PTCRA: variants seen among roughly 807,000 people sequenced by gnomAD.
PTCRA encodes the protein pre T cell antigen receptor alpha.
PTCRA carries 9 observed loss-of-function variants against 13.4 expected under a neutral mutation model. The ratio of observed to expected loss-of-function variants is 0.67; its 90% CI spans 0.41 to 1.18. PTCRA has a LOEUF of 1.18. PTCRA is among the 50% of genes most tolerant of loss of function. The pLI is 0.01. For synonymous variants in PTCRA, 153 were observed against 161.9 expected (o/e 0.94, Z 0.42); for missense variants, 353 against 359.8 (o/e 0.98, Z 0.15).
chr6:42,924,347 A>C (rs1581688268), intron 3 of PTCRA, 74 bp downstream of exon 3: 1 of 1,299,062 alleles, frequency 7.7e-7, no homozygotes, highest in Non-Finnish European at 1.1e-6. Context: ...TGGGGCCTTC[A>C]GCTCTGGCCT....
At chr6:42,920,214 T>G (rs111271512) in intron 1 of PTCRA, among the ~76,000 whole-genome samples, 50,268 of 150,248 alleles carry the variant, frequency 0.33, 8,808 homozygotes, top group African/African-American at 0.45. Flanking sequence ...CAGCTACTCG[T>G]GAGGCTGAGG....
chr6:42,924,009 C>T lies in PTCRA; in HGVS notation c.380-220C>T, dbSNP rs114555561. On this transcript the variant is annotated intron_variant, in intron 2 of 3. Coordinates refer to ENST00000304672, the MANE Select transcript of PTCRA (RefSeq NM_138296.3). ...GAGAGTTCCGGGCTCCCCAGCCTCC[C>T]CAGGGCACAGAACAGGGGACACTGC... Among the ~76,000 whole-genome samples the T allele has an allele frequency of 1.3e-3, 201 of 152,304 alleles. 1 individual carries two copies. Among genetic ancestry groups the T allele is most frequent in the Non-Finnish European group, 2.4e-3 (166 of 68,032 alleles).
At chr6:42,916,196 C>A in intron 1 of PTCRA, 69 bp downstream of exon 1, 1 of 1,441,330 alleles carries the variant, frequency 6.9e-7, no homozygotes. Context: ...TCACTCTGGA[C>A]CTCCCTGGGT....
intron 1 of PTCRA, chr6:42,922,315 C>G (rs1767212039): frequency 1.4e-6 from 1 of 696,102 alleles, no homozygotes; most frequent in South Asian, 1.5e-5. Flanking sequence ...AACTGAGTTC[C>G]TTGAGAGCAG....
chr6:42,922,964 CA>C, intron 1 of PTCRA, 62 bp from the exon 2 acceptor site: 1 of 1,495,044 alleles, frequency 6.7e-7, no homozygotes, highest in East Asian at 2.3e-5. Context: ...TAGCCTACAA[CA>C]CAATGCTGGC....
In PTCRA at chr6:42,925,625, T is replaced by A. The variant is rs1767402909; in HGVS notation, c.789T>A (p.Ser263Arg). 4.5e-6 allele frequency: 7 copies of A among 1,566,606 alleles called. No individual in the cohort carries two copies. The highest frequency in any genetic ancestry group is 6.0e-6 in the Non-Finnish European group (7 of 1,158,902). Residue 263 changes from serine to arginine, a missense_variant, in exon 4 of 4, where the codon AGT (serine) becomes AGA (arginine). Physicochemically the swap from Ser to Arg is moderately radical, Grantham distance 110. Coordinates refer to ENST00000304672, the MANE Select transcript of PTCRA (RefSeq NM_138296.3). This position sits in a 1 kb window ranked among gnomAD's most constrained non-coding sequence, Gnocchi z 4.4. ...CTGCCCTCAGGGCTCCTTCCTCCAG[T>A]CTTGGAGCATTTTTTGCAGGTGACC... ...SRSALRAPSS[S>R]LGAFFAGDLP... is the part of the protein sequence containing the mutation.
In PTCRA at chr6:42,917,190, A is replaced by AT. The variant is rs1766909415; in HGVS notation, c.58+1064dup. Reference sequence around the variant, plus strand: ...CTGGGCTGGTATTATTAACAGCATTATATTATTATTATTATTATTATTATT... The same window carrying AT: ...CTGGGCTGGTATTATTAACAGCATTATTATTATTATTATTATTATTATTATT... On this transcript the variant is annotated intron_variant, in intron 1 of 3. Coordinates refer to ENST00000304672, the MANE Select transcript of PTCRA (RefSeq NM_138296.3). Among the ~76,000 whole-genome samples, 6 of 141,090 alleles carry AT rather than the reference A, an allele frequency of 4.3e-5. No homozygotes were observed. The East Asian group carries it at 1.2e-3, about 29-fold the overall frequency. 92.6% of individuals were successfully genotyped at this position (141,090 alleles called of 152,430 possible).
At chr6:42,917,888 A>T (rs926660329) in intron 1 of PTCRA, among the ~76,000 whole-genome samples, 2 of 152,112 alleles carry the variant, frequency 1.3e-5, no homozygotes, top group African/African-American at 2.4e-5. Context: ...GGACTCACAA[A>T]AAATATTGTT....
In PTCRA at chr6:42,925,310, CAAGCTGCTGCTGTTT is replaced by C; in HGVS notation, c.475_489del (p.Lys159_Phe163del). 1 of 1,587,262 alleles carries C rather than the reference CAAGCTGCTGCTGTTT, an allele frequency of 6.3e-7. No homozygotes were observed. The highest frequency in any genetic ancestry group is 8.5e-7 in the Non-Finnish European group (1 of 1,173,010). ...TGGGGGTCCTGCGGCTGCTGCTCTT[CAAGCTGCTGCTGTTT>C]GACCTGCTCCTGACCTGCAGCTGCC... On this transcript the variant is annotated inframe_deletion, in exon 4 of 4. Transcript: ENST00000304672. This position sits in a 1 kb window ranked among gnomAD's most constrained non-coding sequence, Gnocchi z 4.4.
At position 42,923,265 on chromosome 6, in the gene PTCRA, G is replaced by A; in HGVS notation, c.297G>A (p.Leu99=). The change falls in exon 2 of 4, where the codon CTG becomes CTA. Residue 99 remains leucine (L), a synonymous_variant. Transcript: ENST00000304672. ...ATCTCTCCCTGCCTTCTGAGGAGCT[G>A]GCATCCTGGGAGCCTTTGGTCTGCC... ...LAHLSLPSEE[L]ASWEPLVCHT... 6.2e-7 allele frequency: 1 copy of A among 1,614,204 alleles called. No individual in the cohort carries two copies.
Position 42,923,195 on chromosome 6 carries a change from A to G in PTCRA, c.227A>G (p.Tyr76Cys), listed in dbSNP as rs141630791. 307 of 1,614,222 alleles carry G rather than the reference A, an allele frequency of 1.9e-4. 1 individual carries two copies. In the African/African-American group the frequency reaches 3.5e-3, roughly 18 times the overall value. The change falls in exon 2 of 4, where the codon TAT becomes TGT. Residue 76 changes from tyrosine (Y) to cysteine (C), a missense_variant. Physicochemically the swap from Tyr to Cys is radical, Grantham distance 194. Coordinates refer to ENST00000304672, the MANE Select transcript of PTCRA (RefSeq NM_138296.3). ...GGCAGTGCACTGGATGCCTTCACCT[A>G]TGGCCCTTCCCCAGCAACGGATGGC... The part of the protein sequence containing the change: ...GNGSALDAFT[Y>C]GPSPATDGTW...
chr6:42,925,310 C>T lies in PTCRA; in HGVS notation c.474C>T (p.Phe158=). 1 of 1,587,262 alleles carries T rather than the reference C, an allele frequency of 6.3e-7. No homozygotes were observed. The highest frequency in any genetic ancestry group is 2.3e-5 in the East Asian group (1 of 44,132). The change falls in exon 4 of 4, where the codon TTC becomes TTT. Residue 158 remains phenylalanine (F), a synonymous_variant. Transcript: ENST00000304672. The surrounding 1 kb of genome is among the most constrained non-coding windows in gnomAD (Gnocchi z 4.4). ...LWLGVLRLLL[F]KLLLFDLLLT... ...TGGGGGTCCTGCGGCTGCTGCTCTT[C>T]AAGCTGCTGCTGTTTGACCTGCTCC...
chr6:42,917,569 TAGAC>T (rs1766939068), intron 1 of PTCRA, among the ~76,000 whole-genome samples: 1 of 145,052 alleles, frequency 6.9e-6, no homozygotes, highest in East Asian at 2.0e-4. Context: ...TTATTATTAT[TAGAC>T]AGAGTTTGCT....
At position 42,925,142 on chromosome 6, in the gene PTCRA, C is replaced by A; in HGVS notation, c.425-119C>A. 7.4e-7 allele frequency: 1 copy of A among 1,351,100 alleles called. No individual in the cohort carries two copies. Among genetic ancestry groups the A allele is most frequent in the Non-Finnish European group, 9.9e-7 (1 of 1,012,956 alleles). 83.7% of individuals were successfully genotyped at this position (1,351,100 alleles called of 1,614,324 possible). ...GAGGCTAGACACCGGGAAGGACTTT[C>A]CCTGGAGGAGGGGGTGAAGGGGACG... On this transcript the variant is annotated intron_variant, in intron 3 of 3. Transcript: ENST00000304672. The surrounding 1 kb of genome is among the most constrained non-coding windows in gnomAD (Gnocchi z 4.4).
In PTCRA at chr6:42,925,611, G is replaced by T; in HGVS notation, c.775G>T (p.Ala259Ser). ...QAWCSRSALR[A>S]PSSSLGAFFA... ...CTGGTGCTCAAGATCTGCCCTCAGG[G>T]CTCCTTCCTCCAGTCTTGGAGCATT... Residue 259 changes from alanine to serine, a missense_variant, in exon 4 of 4, where the codon GCT becomes TCT. Physicochemically the swap from Ala to Ser is moderately conservative, Grantham distance 99. Coordinates refer to ENST00000304672, the MANE Select transcript of PTCRA (RefSeq NM_138296.3). The surrounding 1 kb of genome is among the most constrained non-coding windows in gnomAD (Gnocchi z 4.4). 1 of 1,587,896 alleles carries T rather than the reference G, an allele frequency of 6.3e-7. No homozygotes were observed. The highest frequency in any genetic ancestry group is 8.6e-7 in the Non-Finnish European group (1 of 1,167,346).
rs187988655 is a variant in PTCRA, at chr6:42,925,395, C to T, written c.559C>T (p.Arg187Cys). The T allele has an allele frequency of 5.6e-4, 873 of 1,554,040 alleles. 1 individual carries two copies. Among genetic ancestry groups the T allele is most frequent in the Non-Finnish European group, 7.2e-4 (829 of 1,148,576 alleles). Residue 187 changes from arginine (R) to cysteine (C), a missense_variant, in exon 4 of 4, where the codon CGC (arginine) becomes TGC (cysteine). Transcript: ENST00000304672. This position sits in a 1 kb window ranked among gnomAD's most constrained non-coding sequence, Gnocchi z 4.4. ...GCTGCCTTCCCCCGCAACCACCACC[C>T]GCCTGCGAGCCCTCGGCTCCCATCG... The part of the protein sequence containing the change: ...GPLPSPATTT[R>C]LRALGSHRLH...
chr6:42,923,386 C>A lies in PTCRA; in HGVS notation c.379+39C>A, dbSNP rs749995709. The A allele has an allele frequency of 2.5e-6, 4 of 1,575,922 alleles. No individual in the cohort carries two copies. In the Middle Eastern group the frequency reaches 5.7e-4, roughly 224 times the overall value. ...CTGGGCCCTTGCGGATGCTCCCTGT[C>A]CCCTTCCACACACCAGGATATGGTT... is the stretch of plus-strand genomic sequence containing the variant. On this transcript the variant is annotated intron_variant, in intron 2 of 3. Transcript: ENST00000304672.
chr6:42,920,504 G>C (rs1278198954), intron 1 of PTCRA, among the ~76,000 whole-genome samples: 3 of 142,320 alleles, frequency 2.1e-5, no homozygotes, highest in Non-Finnish European at 3.1e-5. Flanking sequence ...GGCTCACTGC[G>C]AGCTCCGCCT....
chr6:42,920,292 C>T (rs558358091), intron 1 of PTCRA, among the ~76,000 whole-genome samples: 14 of 150,536 alleles, frequency 9.3e-5, no homozygotes, highest in African/African-American at 3.4e-4. Flanking sequence ...TGCACTTGAG[C>T]CTGGGCGACA....
Sources: gnomAD v4.1 joint callset for allele counts (sites outside exome capture counted in the v4.1 genomes callset) on GRCh38, gnomAD v4.1.1 for gene constraint, Gnocchi (gnomAD v3.1) non-coding constraint, MANE v1.5 for transcripts, NCBI Gene and HGNC (gene_info 2026-07-23, HGNC 2026-07-21) for gene names.